Variants in RELN observed in about 807,000 individuals in gnomAD.
RELN encodes the protein reelin.
Under a neutral mutation model 427.6 loss-of-function variants are expected in RELN, and 108 were observed. The ratio of observed to expected loss-of-function variants is 0.25; its 90% confidence interval spans 0.22 to 0.30. The LOEUF is 0.30. Among genes scored for constraint, RELN ranks in the 10% least tolerant of loss-of-function variants. RELN has a pLI of 1.00. For synonymous variants in RELN, 1,524 were observed against 1,513.4 expected, an observed-to-expected ratio of 1.01 and a Z score of -0.16; for missense variants, 3,715 against 4,302.8, an observed-to-expected ratio of 0.86 and a Z score of 3.82.
At chr7:103,748,545 C>A (rs895052039) in intron 6 of RELN, among the ~76,000 whole-genome samples, 1 of 152,174 alleles carries the variant, frequency 6.6e-6, no homozygotes, top group Non-Finnish European at 1.5e-5. Flanking sequence ...GTCTTCTCTA[C>A]TAAACCATTC....
chr7:103,492,063 T>C (rs1197867259), intron 57 of RELN, 37 bp from the exon 58 acceptor site: 2 of 1,465,666 alleles, frequency 1.4e-6, no homozygotes, highest in Non-Finnish European at 1.9e-6. Context: ...ACAGGTAAGA[T>C]TAGATGATAC....
Position 103,694,503 on chromosome 7 carries a change from TGGC to T in RELN, c.1143+3347_1143+3349del, listed in dbSNP as rs1313149025. On this transcript the variant is annotated intron_variant, in intron 10 of 64. Transcript: ENST00000428762. ...ATGATGATGATGATGATGATGATGA[TGGC>T]GACGACGATGATGATGTGTGTGTGT... Among the ~76,000 whole-genome samples the T allele has an allele frequency of 9.9e-3, 1,487 of 150,592 alleles. 19 individuals are homozygous for T. Among genetic ancestry groups the T allele is most frequent in the African/African-American group, 0.035 (1,409 of 40,774 alleles).
At chr7:103,526,815 C>A (rs929756876) in intron 46 of RELN, among the ~76,000 whole-genome samples, 7 of 152,082 alleles carry the variant, frequency 4.6e-5, no homozygotes, top group African/African-American at 1.4e-4. Flanking sequence ...CCAAGAACTA[C>A]GAGTGTCTTG....
intron 2 of RELN, among the ~76,000 whole-genome samples, chr7:103,835,259 A>G (rs1044099240): frequency 6.6e-6 from 1 of 152,240 alleles, no homozygotes; most frequent in African/African-American, 2.4e-5. Context: ...CTATGGAGAC[A>G]TTAAAAAGAT....
At chr7:103,916,873 G>T (rs1010991969) in intron 2 of RELN, among the ~76,000 whole-genome samples, 1 of 152,078 alleles carries the variant, frequency 6.6e-6, no homozygotes, top group Non-Finnish European at 1.5e-5. Flanking sequence ...AGTTCATCAT[G>T]CCAAGATCAA....
intron 2 of RELN, among the ~76,000 whole-genome samples, chr7:103,907,614 T>C (rs1445704472): frequency 6.6e-6 from 1 of 151,550 alleles, no homozygotes; most frequent in Non-Finnish European, 1.5e-5. Flanking sequence ...TGACATTAGC[T>C]TTCTGGAATT....
intron 2 of RELN, among the ~76,000 whole-genome samples, chr7:103,907,412 C>CGGG: frequency 3.3e-5 from 1 of 30,228 alleles, no homozygotes; most frequent in Non-Finnish European, 5.8e-5. Flanking sequence ...GATCAAGGCT[C>CGGG]TGGAAAAAAA....
Position 103,589,742 on chromosome 7 carries a change from C to T in RELN, c.3999G>A (p.Leu1333=). The change falls in exon 28 of 65, where the codon CTG becomes CTA. Residue 1333 remains leucine, a synonymous_variant. Coordinates refer to ENST00000428762, the MANE Select transcript of RELN (RefSeq NM_005045.4). Reference sequence around the variant, plus strand: ...AAGCCGGGTAACAGCCTTCTTTCACCAGAAACCAGGACATACCAGCATCAT... The same window carrying T: ...AAGCCGGGTAACAGCCTTCTTTCACTAGAAACCAGGACATACCAGCATCAT... ...YSHDAGMSWF[L]VKEGCYPASA... 3 of 1,613,852 alleles carry T rather than the reference C, an allele frequency of 1.9e-6. No individual in the cohort carries two copies. The highest frequency in any genetic ancestry group is 2.5e-6 in the Non-Finnish European group (3 of 1,179,744).
rs1183972505 is a variant in RELN at position 103,557,257 on chromosome 7, C to T, written c.5615-98G>A. ...CTTTAGGCATCAATGCATAAGAGAA[C>T]TTATGTTTACATGGAAGCTTTATAG... On this transcript the variant is annotated intron_variant, in intron 37 of 64. Coordinates refer to ENST00000428762, the MANE Select transcript of RELN (RefSeq NM_005045.4). 2.9e-6 allele frequency: 3 copies of T among 1,018,144 alleles called. No homozygotes were observed. In the African/African-American group the frequency reaches 4.8e-5, roughly 16 times the overall value. 63.1% of individuals were successfully genotyped at this position (1,018,144 alleles called of 1,614,324 possible). A position where few individuals can be genotyped will look rare whatever the true frequency, so the allele number is the denominator to read the frequency against.
intron 8 of RELN, among the ~76,000 whole-genome samples, chr7:103,706,144 C>G (rs960729300): frequency 2.0e-5 from 3 of 151,804 alleles, no homozygotes; most frequent in Admixed American, 2.0e-4. Flanking sequence ...AAACCAAGAT[C>G]TAACTGAGTA....
chr7:103,940,571 C>G (rs548924211), intron 1 of RELN, among the ~76,000 whole-genome samples: 1 of 152,178 alleles, frequency 6.6e-6, no homozygotes, highest in African/African-American at 2.4e-5. Flanking sequence ...CTTTCCATAT[C>G]CCCTTATGTG....
intron 51 of RELN, among the ~76,000 whole-genome samples, chr7:103,503,893 TAAAAAAAAAAA>T (rs71154347): frequency 2.1e-5 from 2 of 96,612 alleles, no homozygotes; most frequent in African/African-American, 3.5e-5. Context: ...AATGTTCTTG[TAAAAAAAAAAA>T]AAAAAAAAAA....
chr7:103,636,524 C>T (rs552597646), intron 17 of RELN, 56 bp from the exon 18 acceptor site: 148 of 1,156,402 alleles, frequency 1.3e-4, no homozygotes, highest in Non-Finnish European at 1.3e-4. Context: ...CGGAGATTCT[C>T]GAATCTACTT....
At position 103,805,811 on chromosome 7, in the gene RELN, A is replaced by T. The variant is rs191629282; in HGVS notation, c.473+27726T>A. Among the ~76,000 whole-genome samples the T allele has an allele frequency of 8.1e-4, 123 of 152,322 alleles. 1 individual carries two copies. Among genetic ancestry groups the T allele is most frequent in the Admixed American group, 1.7e-3 (26 of 15,274 alleles). On this transcript the variant is annotated intron_variant, in intron 3 of 64. Coordinates refer to ENST00000428762, the MANE Select transcript of RELN (RefSeq NM_005045.4). ...AGGGACATGCAGAATACAGACACAG[A>T]GGAGTCTAGAAGAATGCTGAATAAC... is the stretch of plus-strand genomic sequence containing the variant.
At chr7:103,474,011 G>C (rs1827945885) in intron 64 of RELN, among the ~76,000 whole-genome samples, 1 of 152,034 alleles carries the variant, frequency 6.6e-6, no homozygotes, top group Non-Finnish European at 1.5e-5. Context: ...AGGAGAGGGG[G>C]GAAAGGGTAA....
chr7:103,540,566 T>G, intron 43 of RELN, 111 bp from the exon 44 acceptor site: 1 of 955,446 alleles, frequency 1.0e-6, no homozygotes. Flanking sequence ...TCAATAAATA[T>G]GGCGATTTAA....
rs73181908 is a variant in RELN, at chr7:103,825,662, C to T, written c.473+7875G>A. Among the ~76,000 whole-genome samples the T allele has an allele frequency of 9.3e-3, 1,415 of 152,196 alleles. 12 individuals are homozygous for T. The highest frequency in any genetic ancestry group is 0.014 in the Non-Finnish European group (936 of 67,998). On this transcript the variant is annotated intron_variant, in intron 3 of 64. Transcript: ENST00000428762. ...GATTATCGAATCTTGTGCTACACAACAGAACTTTCTGTAATAATGGAAACG... is the reference window on the plus strand; with the variant it reads ...GATTATCGAATCTTGTGCTACACAATAGAACTTTCTGTAATAATGGAAACG...
At chr7:103,864,141 T>C (rs1227362727) in intron 2 of RELN, among the ~76,000 whole-genome samples, 1 of 152,172 alleles carries the variant, frequency 6.6e-6, no homozygotes, top group Admixed American at 6.6e-5. Context: ...TTTACTCTTC[T>C]GTCTCTGTCA....
intron 46 of RELN, among the ~76,000 whole-genome samples, chr7:103,533,860 T>C (rs979774962): frequency 6.6e-6 from 1 of 152,200 alleles, no homozygotes; most frequent in Non-Finnish European, 1.5e-5. Flanking sequence ...TAATAATTCA[T>C]AGAATTCATA....
Sources: gnomAD v4.1 joint callset for allele counts (sites outside exome capture counted in the v4.1 genomes callset) on GRCh38, gnomAD v4.1.1 for gene constraint, MANE v1.5 for transcripts, NCBI Gene and HGNC (gene_info 2026-07-23, HGNC 2026-07-21) for gene names.